The following NRG4 variants were observed in gnomAD, a reference collection of about 807,000 sequenced individuals.
NRG4 encodes the protein pro-neuregulin-4, membrane-bound isoform.
In NRG4, 10 loss-of-function variants were observed where a neutral mutation model predicts 15.0. That is an observed-to-expected ratio of 0.67 (90% CI 0.41 to 1.13). NRG4 has a LOEUF of 1.13. Among genes scored for constraint, NRG4 ranks in the 50% most tolerant of loss-of-function variants. The pLI is 0.00. For missense variants in NRG4, 139 were observed against 140.2 expected (o/e 0.99, Z 0.04); for synonymous variants, 41 against 50.1 (o/e 0.82, Z 0.77).
rs1459571114 is a variant in NRG4 at position 75,943,540 on chromosome 15, G to A, written c.*98C>T. ...CGAGTTACACAAGCGTTTTATTTAA[G>A]AAATAAAGGATTAGATTTTTAATTC... On this transcript the variant is annotated 3_prime_UTR_variant, in exon 6 of 6. Transcript: ENST00000394907. The A allele has an allele frequency of 3.9e-6, 3 of 770,510 alleles. No homozygotes were observed. The Admixed American group carries it at 6.7e-5, about 17-fold the overall frequency. 47.7% of individuals were successfully genotyped at this position (770,510 alleles called of 1,614,324 possible). A position where few individuals can be genotyped will look rare whatever the true frequency, so the allele number is the denominator to read the frequency against.
chr15:75,940,695 A>C (rs984260886), downstream of NRG4: 9 of 152,250 alleles, frequency 5.9e-5, no homozygotes, highest in East Asian at 1.9e-4. Flanking sequence ...TCTCATATGT[A>C]GGTAAATGAT....
intron 2 of NRG4, among the ~76,000 whole-genome samples, chr15:76,055,802 G>A (rs2036137821): frequency 6.6e-6 from 1 of 152,076 alleles, no homozygotes; most frequent in African/African-American, 2.4e-5. Flanking sequence ...TAGAATTACT[G>A]GTACATAAAA....
chr15:75,948,542 G>T (rs530713259), intron 5 of NRG4, among the ~76,000 whole-genome samples: 1 of 151,772 alleles, frequency 6.6e-6, no homozygotes, highest in African/African-American at 2.4e-5. Context: ...CTCGTGATCC[G>T]CCCACCTGGG....
intron 3 of NRG4, among the ~76,000 whole-genome samples, chr15:75,998,303 G>C (rs2034285040): frequency 1.3e-5 from 2 of 152,198 alleles, no homozygotes; most frequent in African/African-American, 4.8e-5. Flanking sequence ...TTGGTAGATG[G>C]TAAGAGAGGA....
chr15:75,968,585 T>TATAAAAA (rs1491528717), intron 3 of NRG4, among the ~76,000 whole-genome samples: 1 of 99,124 alleles, frequency 1.0e-5, no homozygotes, highest in African/African-American at 4.0e-5. Flanking sequence ...AAACTCCATC[T>TATAAAAA]AAAAAAAAAA....
intron 3 of NRG4, among the ~76,000 whole-genome samples, chr15:75,969,662 A>T (rs1328316247): frequency 6.6e-6 from 1 of 152,236 alleles, no homozygotes. Flanking sequence ...CTGTAAGAAC[A>T]GTGATCTGGC....
chr15:76,059,914 G>A (rs952094669), upstream of NRG4: 13 of 146,740 alleles, frequency 8.9e-5, no homozygotes, highest in Non-Finnish European at 1.7e-4. Flanking sequence ...GGAGGGAGCG[G>A]CGGGGCCGCG....
intron 4 of NRG4, among the ~76,000 whole-genome samples, chr15:75,961,349 A>C (rs2032511795): frequency 6.6e-6 from 1 of 152,046 alleles, no homozygotes; most frequent in Non-Finnish European, 1.5e-5. Context: ...GTCTCTCCAA[A>C]TTGATTTAAG....
intron 5 of NRG4, among the ~76,000 whole-genome samples, chr15:76,021,744 T>A (rs1231376992): frequency 6.6e-6 from 1 of 152,206 alleles, no homozygotes; most frequent in Admixed American, 6.5e-5. Context: ...ATTGTGATGA[T>A]TTTGTGTTAT....
chr15:76,043,467 A>T (rs916172634), intron 4 of NRG4, among the ~76,000 whole-genome samples: 1 of 152,250 alleles, frequency 6.6e-6, no homozygotes, highest in Non-Finnish European at 1.5e-5. Flanking sequence ...ATACAAAATC[A>T]ACAAACAAAC....
intron 3 of NRG4, among the ~76,000 whole-genome samples, chr15:75,969,595 C>T (rs2032996738): frequency 6.6e-6 from 1 of 152,116 alleles, no homozygotes; most frequent in Non-Finnish European, 1.5e-5. Flanking sequence ...AGAAGTAGAC[C>T]TAAGAGAGCA....
chr15:76,056,885 T>A (rs2036164303), intron 2 of NRG4: 1 of 152,194 alleles, frequency 6.6e-6, no homozygotes, highest in Non-Finnish European at 1.5e-5. Flanking sequence ...CATGTACAAA[T>A]TTTCCATTTA....
intron 5 of NRG4, among the ~76,000 whole-genome samples, chr15:76,021,082 C>CT (rs1216302929): frequency 6.6e-6 from 1 of 152,188 alleles, no homozygotes; most frequent in Non-Finnish European, 1.5e-5. Flanking sequence ...TTGTTATAGG[C>CT]TAATATAGCT....
intron 5 of NRG4, among the ~76,000 whole-genome samples, chr15:76,024,357 A>C (rs1197498032): frequency 6.6e-6 from 1 of 152,178 alleles, no homozygotes; most frequent in Non-Finnish European, 1.5e-5. Flanking sequence ...GAAGCCACCC[A>C]CGTCCTAGGC....
chr15:76,018,076 G>A (rs1451784341), intron 5 of NRG4, among the ~76,000 whole-genome samples: 1 of 151,772 alleles, frequency 6.6e-6, no homozygotes, highest in African/African-American at 2.4e-5. Context: ...TCATTAAGTT[G>A]ATCTTCAATC....
intron 1 of NRG4, among the ~76,000 whole-genome samples, chr15:76,058,773 A>G (rs2036218466): frequency 6.6e-6 from 1 of 152,214 alleles, no homozygotes; most frequent in African/African-American, 2.4e-5. Context: ...CTATAGGAAA[A>G]TGGCTATATT....
At chr15:76,057,565 TA>T (rs2036182016) in intron 1 of NRG4, among the ~76,000 whole-genome samples, 1 of 152,110 alleles carries the variant, frequency 6.6e-6, no homozygotes, top group Non-Finnish European at 1.5e-5. Flanking sequence ...TTCAATACCC[TA>T]AAAAATTTAT....
At chr15:76,046,499 C>T (rs908817377) in intron 4 of NRG4, among the ~76,000 whole-genome samples, 2 of 151,208 alleles carry the variant, frequency 1.3e-5, no homozygotes, top group Admixed American at 6.6e-5. Flanking sequence ...GGCATAAAAA[C>T]AGACACATAG....
At chr15:75,993,205 T>C (rs1367490793) in intron 3 of NRG4, among the ~76,000 whole-genome samples, 3 of 151,814 alleles carry the variant, frequency 2.0e-5, no homozygotes, top group Non-Finnish European at 2.9e-5. Flanking sequence ...GTGTCTAAGT[T>C]TGCTTGGTGT....
Sources: allele counts gnomAD v4.1 joint callset (sites outside exome capture counted in the v4.1 genomes callset), GRCh38; gene constraint gnomAD v4.1.1; transcripts MANE v1.5; gene names NCBI Gene and HGNC (gene_info 2026-07-23, HGNC 2026-07-21).